SORL1-AS1: variants seen among roughly 807,000 people sequenced by gnomAD.
The protein encoded by SORL1-AS1 is lncRNA 51 A.
At chr11:121,441,224 T>C in the SORL1-AS1 span, among the ~76,000 whole-genome samples, 1 of 152,052 alleles carries the variant, frequency 6.6e-6, no homozygotes, top group African/African-American at 2.4e-5. Flanking sequence ...CATGAATGCT[T>C]AGAATAAGGC....
At position 121,452,720 on chromosome 11, in the gene SORL1-AS1, TGGGGACTTCCCGGCTTGCATTTG is replaced by T. The variant is rs1317402907; in HGVS notation, n.271_293del. The T allele has an allele frequency of 6.8e-6, 7 of 1,026,328 alleles. No individual in the cohort carries two copies. Among genetic ancestry groups the T allele is most frequent in the Middle Eastern group, 2.4e-4 (1 of 4,108 alleles). 63.6% of individuals were successfully genotyped at this position (1,026,328 alleles called of 1,614,324 possible). ...GTCGCCTCCTAGGTGCAGGCACCAC[TGGGGACTTCCCGGCTTGCATTTG>T]TTTTTTTCCTTCACGAGTACAACCG... is the stretch of plus-strand genomic sequence containing the variant. On this transcript the variant is annotated non_coding_transcript_exon_variant, in exon 1 of 2. Coordinates refer to ENST00000501964, the Ensembl canonical transcript of SORL1-AS1. The surrounding 1 kb of genome is among the most constrained non-coding windows in gnomAD (Gnocchi z 5.3).
intron 1 of SORL1-AS1, among the ~76,000 whole-genome samples, chr11:121,451,745 A>G (rs1860795830): frequency 6.6e-6 from 1 of 152,028 alleles, no homozygotes; most frequent in South Asian, 2.1e-4. Flanking sequence ...TTCCCAATAG[A>G]GCGGGTTCAT....
At chr11:121,445,284 C>T (rs1860707977), downstream of SORL1-AS1, among the ~76,000 whole-genome samples, 1 of 152,166 alleles carries the variant, frequency 6.6e-6, no homozygotes, top group Non-Finnish European at 1.5e-5. Context: ...ATACACAGGT[C>T]CTCCCACTTC....
chr11:121,448,503 C>T (rs1860751552), exon 2 of SORL1-AS1: 1 of 152,146 alleles, frequency 6.6e-6, no homozygotes. Context: ...AGTCCCTTTT[C>T]TGCTTTAATG....
downstream of SORL1-AS1, among the ~76,000 whole-genome samples, chr11:121,444,331 G>A (rs563115314): frequency 2.0e-5 from 3 of 152,284 alleles, no homozygotes; most frequent in East Asian, 3.9e-4. Context: ...CAAGTTTTAT[G>A]TGCCAGGCGT....
At chr11:121,449,645 T>G (rs1860765284) in exon 2 of SORL1-AS1, 2 of 152,268 alleles carry the variant, frequency 1.3e-5, no homozygotes, top group African/African-American at 4.8e-5. Context: ...CATGCACTAT[T>G]TCTCTCTGGA....
chr11:121,445,440 G>C (rs759249411), downstream of SORL1-AS1, among the ~76,000 whole-genome samples: 2 of 152,134 alleles, frequency 1.3e-5, no homozygotes, highest in South Asian at 4.1e-4. Context: ...TGAAAGGGAC[G>C]AGCTGGGCGC....
chr11:121,438,933 C>T, the SORL1-AS1 span, among the ~76,000 whole-genome samples: 41 of 152,092 alleles, frequency 2.7e-4, 3 homozygotes, highest in Non-Finnish European at 2.9e-5. Flanking sequence ...GGCTGAGGCA[C>T]AAGAATTGCT....
At chr11:121,441,252 T>C in the SORL1-AS1 span, among the ~76,000 whole-genome samples, 3 of 151,892 alleles carry the variant, frequency 2.0e-5, no homozygotes, top group East Asian at 3.9e-4. Flanking sequence ...GGCCAGGCGC[T>C]GTGGCTCACG....
the SORL1-AS1 span, among the ~76,000 whole-genome samples, chr11:121,441,401 G>A: frequency 6.6e-6 from 1 of 151,606 alleles, no homozygotes; most frequent in South Asian, 2.1e-4. Flanking sequence ...CGTGGTGGTG[G>A]GCGCCTGCAG....
chr11:121,445,592 C>T (rs1860712234), downstream of SORL1-AS1, among the ~76,000 whole-genome samples: 1 of 152,056 alleles, frequency 6.6e-6, no homozygotes, highest in Admixed American at 6.6e-5. Context: ...AACCTTTCCT[C>T]CTTCTCCTCA....
downstream of SORL1-AS1, among the ~76,000 whole-genome samples, chr11:121,444,538 T>C (rs943694920): frequency 6.6e-6 from 1 of 152,228 alleles, no homozygotes; most frequent in Non-Finnish European, 1.5e-5. Context: ...TACTTTACAC[T>C]GCACATGGAT....
the SORL1-AS1 span, among the ~76,000 whole-genome samples, chr11:121,441,530 CAAAAAAA>C: frequency 1.9e-5 from 1 of 52,390 alleles, no homozygotes; most frequent in Non-Finnish European, 3.6e-5. Context: ...GACTCTGTCT[CAAAAAAA>C]AAAAAAAAAA....
At chr11:121,446,089 G>A (rs554126379), downstream of SORL1-AS1, among the ~76,000 whole-genome samples, 7 of 152,260 alleles carry the variant, frequency 4.6e-5, no homozygotes, top group East Asian at 3.9e-4. Context: ...ACCAACTGCC[G>A]AAGGGTGTGA....
At chr11:121,445,866 T>C (rs918070149), downstream of SORL1-AS1, among the ~76,000 whole-genome samples, 1 of 152,160 alleles carries the variant, frequency 6.6e-6, no homozygotes, top group African/African-American at 2.4e-5. Context: ...AGTGGCTGTG[T>C]CCTTTATAGG....
At chr11:121,445,502 T>C (rs116280174), downstream of SORL1-AS1, among the ~76,000 whole-genome samples, 2,209 of 152,206 alleles carry the variant, frequency 0.015, 69 homozygotes, top group African/African-American at 0.051. Context: ...TCTCTCTCCA[T>C]TGGCCTTCCC....
chr11:121,439,578 G>C, the SORL1-AS1 span, among the ~76,000 whole-genome samples: 1 of 151,928 alleles, frequency 6.6e-6, no homozygotes, highest in African/African-American at 2.4e-5. Context: ...CAATGTCTCT[G>C]ATCTTCAGCA....
the SORL1-AS1 span, among the ~76,000 whole-genome samples, chr11:121,439,402 C>T: frequency 1.3e-5 from 2 of 151,646 alleles, no homozygotes; most frequent in Admixed American, 1.3e-4. Flanking sequence ...TCGAAGTCTT[C>T]TGCTTGTTTA....
rs1355250905 is a variant in SORL1-AS1, at chr11:121,452,316, T to C, written n.339+359A>G. ...CTCCTGGCGGCGGCGCCACCTGCAG[T>C]AGCGTTCGCCCGAACATGGCGACAC... On this transcript the variant is annotated intron_variant and non_coding_transcript_variant, in intron 1 of 1. Transcript: ENST00000501964. The surrounding 1 kb of genome is among the most constrained non-coding windows in gnomAD (Gnocchi z 5.3). 1.8e-5 allele frequency: 28 copies of C among 1,517,288 alleles called. No homozygotes were observed. The highest frequency in any genetic ancestry group is 2.5e-5 in the Non-Finnish European group (28 of 1,135,794). The allele number at this position is 1,517,288 out of a possible 1,614,324, so 94.0% of individuals were successfully genotyped here.
Sources: gnomAD v4.1 joint callset for allele counts (sites outside exome capture counted in the v4.1 genomes callset) on GRCh38, gnomAD v4.1.1 for gene constraint, Gnocchi (gnomAD v3.1) non-coding constraint, MANE v1.5 for transcripts, NCBI Gene and HGNC (gene_info 2026-07-23, HGNC 2026-07-21) for gene names.